Variants in MGMT observed in about 807,000 individuals in gnomAD.
The protein encoded by MGMT is O-6-methylguanine-DNA methyltransferase.
A neutral mutation model predicts 15.9 loss-of-function variants in MGMT; 14 were observed. The ratio of observed to expected loss-of-function variants is 0.88; its 90% CI spans 0.58 to 1.37. The LOEUF (loss-of-function observed/expected upper bound fraction) is 1.37, where lower values mean the gene tolerates loss of function less well. Ranked by LOEUF, MGMT falls within the 40% of genes most tolerant of loss-of-function variation. MGMT has a pLI of 0.00. For missense variants in MGMT, 282 were observed against 268.1 expected (o/e 1.05, Z -0.36); for synonymous variants, 130 against 118.2 (o/e 1.10, Z -0.65).
intron 2 of MGMT, among the ~76,000 whole-genome samples, chr10:129,550,808 C>T (rs1312664001): frequency 2.0e-5 from 3 of 152,222 alleles, no homozygotes; most frequent in Non-Finnish European, 4.4e-5. Flanking sequence ...ACTAACTCCC[C>T]ATTTCTGCCA....
intron 3 of MGMT, among the ~76,000 whole-genome samples, chr10:129,719,065 G>A (rs957621643): frequency 6.6e-6 from 1 of 151,432 alleles, no homozygotes; most frequent in Admixed American, 6.6e-5. Context: ...CACCGTCCCA[G>A]GCTGTCCAGA....
intron 2 of MGMT, among the ~76,000 whole-genome samples, chr10:129,550,007 A>G (rs1846137941): frequency 6.6e-6 from 1 of 152,196 alleles, no homozygotes; most frequent in Admixed American, 6.5e-5. Context: ...CCCACTCAGG[A>G]CAGTAAAATC....
intron 2 of MGMT, among the ~76,000 whole-genome samples, chr10:129,648,940 G>A (rs924266222): frequency 6.6e-6 from 1 of 152,164 alleles, no homozygotes; most frequent in African/African-American, 2.4e-5. Flanking sequence ...AAGCATCTGT[G>A]GTCTGGGCGG....
At chr10:129,577,389 A>C (rs1208492778) in intron 2 of MGMT, among the ~76,000 whole-genome samples, 1 of 152,250 alleles carries the variant, frequency 6.6e-6, no homozygotes, top group Non-Finnish European at 1.5e-5. Context: ...CCACATATCT[A>C]CAACTATCTG....
chr10:129,500,346 C>T (rs1382069659), intron 1 of MGMT, among the ~76,000 whole-genome samples: 1 of 152,116 alleles, frequency 6.6e-6, no homozygotes, highest in Non-Finnish European at 1.5e-5. Flanking sequence ...GCTGCTTCAG[C>T]CGACAGGAGG....
At chr10:129,526,937 C>A (rs927149696) in intron 1 of MGMT, among the ~76,000 whole-genome samples, 2 of 152,194 alleles carry the variant, frequency 1.3e-5, no homozygotes, top group Non-Finnish European at 2.9e-5. Context: ...GGAGATGAAA[C>A]GAAATTCATT....
At chr10:129,630,111 T>C (rs1847193366) in intron 2 of MGMT, among the ~76,000 whole-genome samples, 2 of 152,236 alleles carry the variant, frequency 1.3e-5, no homozygotes, top group Non-Finnish European at 2.9e-5. Context: ...GTCTCCAGTC[T>C]GTGGCTGGCC....
At position 129,719,718 on chromosome 10, in the gene MGMT, C is replaced by T. The variant is rs1848346964; in HGVS notation, c.274+11675C>T. ...CTTCTTCACCTCTTAAAGACCCCAT[C>T]TGCTGATACAGTTGAAATGCCGAGG... On this transcript the variant is annotated intron_variant, in intron 3 of 4. Transcript: ENST00000651593. 2.0e-5 allele frequency among the ~76,000 whole-genome samples: 3 copies of T among 152,284 alleles called. No individual in the cohort carries two copies. The South Asian group carries it at 6.2e-4, about 32-fold the overall frequency.
At chr10:129,528,818 G>A (rs916507326) in intron 1 of MGMT, among the ~76,000 whole-genome samples, 1 of 152,172 alleles carries the variant, frequency 6.6e-6, no homozygotes, top group Non-Finnish European at 1.5e-5. Context: ...GTAGGGGATG[G>A]TGCCATCTGA....
intron 2 of MGMT, among the ~76,000 whole-genome samples, chr10:129,569,418 T>C (rs989327920): frequency 6.6e-6 from 1 of 152,188 alleles, no homozygotes; most frequent in African/African-American, 2.4e-5. Flanking sequence ...CTCTCAGAGC[T>C]TCACATCATA....
intron 2 of MGMT, among the ~76,000 whole-genome samples, chr10:129,582,982 C>T (rs565608182): frequency 6.6e-6 from 1 of 152,266 alleles, no homozygotes; most frequent in Non-Finnish European, 1.5e-5. Flanking sequence ...ACCTAAATAT[C>T]GGCTTTATTC....
intron 2 of MGMT, among the ~76,000 whole-genome samples, chr10:129,542,490 G>A (rs189123402): frequency 5.6e-4 from 85 of 152,228 alleles, no homozygotes; most frequent in South Asian, 6.2e-4. Flanking sequence ...TGTTCTTAAG[G>A]ACAAACACTT....
At chr10:129,542,720 C>T (rs555221379) in intron 2 of MGMT, among the ~76,000 whole-genome samples, 48 of 152,276 alleles carry the variant, frequency 3.2e-4, no homozygotes, top group African/African-American at 1.1e-3. Flanking sequence ...ACTTGCCAGG[C>T]GCTCCTTGGC....
At chr10:129,594,356 A>G (rs1019666981) in intron 2 of MGMT, among the ~76,000 whole-genome samples, 56 of 152,226 alleles carry the variant, frequency 3.7e-4, no homozygotes, top group Non-Finnish European at 2.2e-4. Context: ...GAAGGTGAAA[A>G]GAGCTCAGAT....
chr10:129,580,193 G>A (rs887517524), intron 2 of MGMT, among the ~76,000 whole-genome samples: 1 of 152,188 alleles, frequency 6.6e-6, no homozygotes, highest in African/African-American at 2.4e-5. Context: ...AGGTGGCATC[G>A]TGGGAGAAGC....
chr10:129,579,191 A>G (rs1435904594), intron 2 of MGMT, among the ~76,000 whole-genome samples: 1 of 152,226 alleles, frequency 6.6e-6, no homozygotes, highest in Non-Finnish European at 1.5e-5. Context: ...CATTGTTTTG[A>G]TTTCTAGTTA....
At chr10:129,649,739 A>G (rs1847435704) in intron 2 of MGMT, among the ~76,000 whole-genome samples, 1 of 152,232 alleles carries the variant, frequency 6.6e-6, no homozygotes, top group South Asian at 2.1e-4. Context: ...TGCTCCAAGA[A>G]GCAGTATTTG....
At chr10:129,481,086 C>A (rs985398165) in intron 1 of MGMT, among the ~76,000 whole-genome samples, 4 of 152,226 alleles carry the variant, frequency 2.6e-5, no homozygotes, top group Admixed American at 2.6e-4. Flanking sequence ...ACCGTGCCTT[C>A]CTCCTAGAGT....
chr10:129,712,613 GT>G (rs1459739567), intron 3 of MGMT, among the ~76,000 whole-genome samples: 3 of 152,128 alleles, frequency 2.0e-5, no homozygotes, highest in African/African-American at 7.2e-5. Context: ...ATTCGTTAAG[GT>G]TCCCACCGTG....
Sources: gnomAD v4.1 joint callset for allele counts (sites outside exome capture counted in the v4.1 genomes callset) on GRCh38, gnomAD v4.1.1 for gene constraint, MANE v1.5 for transcripts, NCBI Gene and HGNC (gene_info 2026-07-23, HGNC 2026-07-21) for gene names.